CADPS2: variants seen among roughly 807,000 people sequenced by gnomAD.
CADPS2 encodes calcium dependent secretion activator 2.
Under a neutral mutation model 172.5 loss-of-function variants are expected in CADPS2, and 93 were observed. That is an observed-to-expected ratio of 0.54 (90% CI 0.46 to 0.64). CADPS2 has a LOEUF of 0.64. Among genes scored for constraint, CADPS2 ranks in the 30% least tolerant of loss-of-function variants. The pLI, the probability that CADPS2 is intolerant of heterozygous loss-of-function variation, is 0.00. For missense variants in CADPS2, 1,420 were observed against 1,565.9 expected, an observed-to-expected ratio of 0.91 and a Z score of 1.57; for synonymous variants, 546 against 555.2, an observed-to-expected ratio of 0.98 and a Z score of 0.23.
At chr7:122,593,682 T>C (rs1027718427) in intron 6 of CADPS2, among the ~76,000 whole-genome samples, 4 of 151,916 alleles carry the variant, frequency 2.6e-5, no homozygotes, top group African/African-American at 9.7e-5. Flanking sequence ...ATTAAAGTTT[T>C]CATCTGTTTC....
At chr7:122,779,403 C>T (rs780364748) in intron 1 of CADPS2, among the ~76,000 whole-genome samples, 2 of 152,118 alleles carry the variant, frequency 1.3e-5, no homozygotes, top group East Asian at 1.9e-4. Context: ...AGGTCAGCAG[C>T]TCTCAGGGAA....
chr7:122,397,409 G>A (rs1018379217), intron 20 of CADPS2, among the ~76,000 whole-genome samples: 1 of 147,710 alleles, frequency 6.8e-6, no homozygotes, highest in African/African-American at 2.5e-5. Context: ...AGGAGGGAGT[G>A]GGGGAGAAAT....
At chr7:122,625,821 T>G (rs2076033413) in intron 4 of CADPS2, among the ~76,000 whole-genome samples, 1 of 152,138 alleles carries the variant, frequency 6.6e-6, no homozygotes, top group Non-Finnish European at 1.5e-5. Flanking sequence ...ATAACATGTA[T>G]GTATGCATAA....
intron 14 of CADPS2, among the ~76,000 whole-genome samples, chr7:122,457,491 C>T (rs1020263427): frequency 6.6e-6 from 1 of 152,162 alleles, no homozygotes; most frequent in African/African-American, 2.4e-5. Flanking sequence ...AACAATGACC[C>T]TCAGGGATGC....
intron 9 of CADPS2, among the ~76,000 whole-genome samples, chr7:122,510,414 G>C (rs1445979266): frequency 6.6e-6 from 1 of 152,060 alleles, no homozygotes; most frequent in Non-Finnish European, 1.5e-5. Context: ...CCCACCTTTT[G>C]ACTCCAATTT....
chr7:122,567,438 C>G (rs2066613038), intron 7 of CADPS2, among the ~76,000 whole-genome samples: 1 of 152,186 alleles, frequency 6.6e-6, no homozygotes, highest in Non-Finnish European at 1.5e-5. Flanking sequence ...GTGATGCACA[C>G]ATGCAGGACA....
At chr7:122,838,348 A>C (rs963707422) in intron 1 of CADPS2, among the ~76,000 whole-genome samples, 19 of 152,246 alleles carry the variant, frequency 1.2e-4, no homozygotes, top group Middle Eastern at 6.8e-3. Flanking sequence ...AAACTGGAAG[A>C]ATTCCCTTTG....
At chr7:122,432,300 T>C (rs2050037842) in intron 17 of CADPS2, among the ~76,000 whole-genome samples, 1 of 152,116 alleles carries the variant, frequency 6.6e-6, no homozygotes, top group African/African-American at 2.4e-5. Flanking sequence ...AAAATACCTA[T>C]TTTGTAGAGC....
At chr7:122,645,214 GTA>G (rs1224444615) in intron 3 of CADPS2, among the ~76,000 whole-genome samples, 7 of 109,852 alleles carry the variant, frequency 6.4e-5, no homozygotes, top group African/African-American at 1.7e-4. Context: ...ATATACATAA[GTA>G]TATATATACG....
chr7:122,533,923 G>C lies in CADPS2; in HGVS notation c.1476-20608C>G, dbSNP rs536950715. ...ATCAGGTGTTCAATTACAAATAATG[G>C]GGTGTATGAGAGAACGTCCAAGATT... On this transcript the variant is annotated intron_variant, in intron 8 of 29. Coordinates refer to ENST00000449022, the MANE Select transcript of CADPS2 (RefSeq NM_017954.11). Among the ~76,000 whole-genome samples, 6 of 152,180 alleles carry C rather than the reference G, an allele frequency of 3.9e-5. No individual in the cohort carries two copies. In the East Asian group the frequency reaches 5.8e-4, roughly 15 times the overall value.
rs74221978 is a variant in CADPS2, at chr7:122,645,592, TTA to T, written c.787-16266_787-16265del. Among the ~76,000 whole-genome samples the T allele has an allele frequency of 9.5e-3, 1,176 of 123,634 alleles. 23 individuals carry two copies. The highest frequency in any genetic ancestry group is 0.033 in the African/African-American group (1,106 of 33,936). The allele number at this position is 123,634 out of a possible 152,430, so 81.1% of individuals were successfully genotyped here. On this transcript the variant is annotated intron_variant, in intron 3 of 29. Transcript: ENST00000449022. ...ATGCATATTCTCTAGGCTATAGAGA[TTA>T]TATATATATATACACACACACTAAG... is the stretch of plus-strand genomic sequence containing the variant.
chr7:122,379,073 TAA>T, intron 25 of CADPS2: 1 of 253,648 alleles, frequency 3.9e-6, no homozygotes, highest in South Asian at 4.9e-5. Context: ...GGAGTTAAAA[TAA>T]ATAGCATAAG....
At chr7:122,570,054 C>A (rs1215063269) in intron 7 of CADPS2, among the ~76,000 whole-genome samples, 3 of 150,402 alleles carry the variant, frequency 2.0e-5, no homozygotes, top group African/African-American at 7.4e-5. Context: ...AACTAAAGAG[C>A]TTCTGCACAA....
intron 7 of CADPS2, 129 bp from the exon 8 acceptor site, chr7:122,554,818 T>A: frequency 1.4e-6 from 1 of 695,048 alleles, no homozygotes; most frequent in South Asian, 2.9e-5. Context: ...AATAAACAAT[T>A]TGACTCCCTA....
intron 8 of CADPS2, among the ~76,000 whole-genome samples, chr7:122,545,524 C>A (rs2063535188): frequency 6.6e-6 from 1 of 152,100 alleles, no homozygotes; most frequent in African/African-American, 2.4e-5. Flanking sequence ...TCTAATCCCA[C>A]AGGCACTTGG....
chr7:122,431,696 T>G (rs2049931512), intron 17 of CADPS2, among the ~76,000 whole-genome samples: 1 of 152,114 alleles, frequency 6.6e-6, no homozygotes, highest in Non-Finnish European at 1.5e-5. Flanking sequence ...TACTATTTAT[T>G]GCAAAGTATT....
At chr7:122,404,711 T>C (rs1191247683) in intron 20 of CADPS2, among the ~76,000 whole-genome samples, 1 of 152,236 alleles carries the variant, frequency 6.6e-6, no homozygotes, top group African/African-American at 2.4e-5. Flanking sequence ...GGTATCTCAT[T>C]GTGGTTTTGA....
chr7:122,669,814 T>C (rs1246203157), intron 2 of CADPS2, among the ~76,000 whole-genome samples: 2 of 151,946 alleles, frequency 1.3e-5, no homozygotes, highest in East Asian at 3.9e-4. Flanking sequence ...CATCTCTCCT[T>C]AGGTGTCCCA....
chr7:122,764,905 T>C (rs1193854212), intron 1 of CADPS2, among the ~76,000 whole-genome samples: 1 of 152,122 alleles, frequency 6.6e-6, no homozygotes, highest in Non-Finnish European at 1.5e-5. Flanking sequence ...TGAAGCCTAT[T>C]ACACTTAAAC....
Sources: gnomAD v4.1 joint callset for allele counts (sites outside exome capture counted in the v4.1 genomes callset) on GRCh38, gnomAD v4.1.1 for gene constraint, MANE v1.5 for transcripts, NCBI Gene and HGNC (gene_info 2026-07-23, HGNC 2026-07-21) for gene names.